EFCC1: variants seen among roughly 807,000 people sequenced by gnomAD.
The protein encoded by EFCC1 is EF-hand and coiled-coil domain-containing protein 1.
Under a neutral mutation model 52.1 loss-of-function variants are expected in EFCC1, and 50 were observed. The observed-to-expected ratio is 0.96, with a 90% CI of 0.76 to 1.21. EFCC1 has a LOEUF of 1.21. Among genes scored for constraint, EFCC1 ranks in the 50% most tolerant of loss-of-function variants. The pLI is 0.00. For synonymous variants in EFCC1, 399 were observed against 396.5 expected, an observed-to-expected ratio of 1.01 and a Z score of -0.08; for missense variants, 837 against 867.3, an observed-to-expected ratio of 0.97 and a Z score of 0.44.
In EFCC1 at chr3:129,031,766, A is replaced by G. The variant is rs889115713; in HGVS notation, c.1138+906A>G. The stretch of plus-strand genomic sequence containing the variant: ...CAGGCACTCCCCTCATAGTGGCAAG[A>G]TGGTCACCAGTGGCTCCAGGCCTGG... On this transcript the variant is annotated intron_variant, in intron 3 of 7. Transcript: ENST00000683648. Among the ~76,000 whole-genome samples the G allele has an allele frequency of 5.9e-5, 9 of 152,300 alleles. No individual in the cohort carries two copies. The East Asian group carries it at 1.7e-3, about 29-fold the overall frequency.
chr3:129,027,108 C>T (rs1007483941), intron 2 of EFCC1, among the ~76,000 whole-genome samples: 1 of 151,976 alleles, frequency 6.6e-6, no homozygotes, highest in South Asian at 2.1e-4. Context: ...CATCATGCTC[C>T]GCGCCCTCAG....
At chr3:129,005,785 C>G (rs561640100) in intron 2 of EFCC1, among the ~76,000 whole-genome samples, 2 of 152,382 alleles carry the variant, frequency 1.3e-5, no homozygotes, top group East Asian at 3.9e-4. Flanking sequence ...GAGGCAGACT[C>G]TGGGCCAGCC....
chr3:129,037,897 AC>A (rs2107942301), intron 6 of EFCC1, among the ~76,000 whole-genome samples: 1 of 149,048 alleles, frequency 6.7e-6, no homozygotes, highest in South Asian at 2.1e-4. Context: ...CCCCACCTCT[AC>A]AAAAAAAAAA....
At chr3:129,022,015 T>C (rs1222354471) in intron 2 of EFCC1, among the ~76,000 whole-genome samples, 1 of 152,132 alleles carries the variant, frequency 6.6e-6, no homozygotes, top group Non-Finnish European at 1.5e-5. Flanking sequence ...GGGGCAGAGG[T>C]GGCCGGGGCA....
At chr3:129,030,502 G>C in intron 2 of EFCC1, 1 of 477,504 alleles carries the variant, frequency 2.1e-6, no homozygotes, top group Non-Finnish European at 3.3e-6. Flanking sequence ...AGTCCCATTG[G>C]CTAAAACTGG....
Position 129,039,765 on chromosome 3 carries a change from G to C in EFCC1, c.1717G>C (p.Ala573Pro). ...ILDALHQALA[A>P]CQLLRRQPSA... ...GGATGCCCTGCACCAAGCCTTGGCTGCCTGCCAGCTGTTGCGGAGACAGCC... is the reference window on the plus strand; with the variant it reads ...GGATGCCCTGCACCAAGCCTTGGCTCCCTGCCAGCTGTTGCGGAGACAGCC... Residue 573 changes from alanine to proline, a missense_variant, in exon 8 of 8, where the codon GCC (alanine) becomes CCC (proline). Transcript: ENST00000683648. 6.2e-7 allele frequency: 1 copy of C among 1,611,942 alleles called. No individual in the cohort carries two copies. Among genetic ancestry groups the C allele is most frequent in the Non-Finnish European group, 8.5e-7 (1 of 1,178,794 alleles).
intron 2 of EFCC1, among the ~76,000 whole-genome samples, chr3:129,023,310 C>CTTTTTTT (rs3036084): frequency 1.4e-5 from 2 of 138,170 alleles, no homozygotes; most frequent in Non-Finnish European, 3.1e-5. Flanking sequence ...CCTCTTGCTT[C>CTTTTTTT]TTTTTTTTTT....
chr3:129,016,820 G>A (rs967136720), intron 2 of EFCC1, among the ~76,000 whole-genome samples: 1 of 152,154 alleles, frequency 6.6e-6, no homozygotes, highest in African/African-American at 2.4e-5. Flanking sequence ...GACTTTATCT[G>A]TACAACCTTA....
chr3:129,006,428 T>C (rs895119051), intron 2 of EFCC1, among the ~76,000 whole-genome samples: 5 of 152,234 alleles, frequency 3.3e-5, no homozygotes, highest in African/African-American at 1.2e-4. Context: ...AAGATTCTCC[T>C]GCCTCAGCCT....
At chr3:129,019,027 C>T (rs534386628) in intron 2 of EFCC1, among the ~76,000 whole-genome samples, 1 of 152,334 alleles carries the variant, frequency 6.6e-6, no homozygotes, top group African/African-American at 2.4e-5. Context: ...CTCCCCCACA[C>T]CACCGTGCAG....
chr3:129,008,923 C>T (rs916640565), intron 2 of EFCC1, among the ~76,000 whole-genome samples: 6 of 151,512 alleles, frequency 4.0e-5, no homozygotes, highest in African/African-American at 1.2e-4. Flanking sequence ...AGATGAGAAA[C>T]TCAGCTCCTT....
rs1383436356 is a variant in EFCC1, at chr3:129,018,170, TG to T, written c.981-12530del. 5.9e-5 allele frequency among the ~76,000 whole-genome samples: 9 copies of T among 152,272 alleles called. No homozygotes were observed. The East Asian group carries it at 1.7e-3, about 29-fold the overall frequency. ...GAAATCCAGAGGTGCTGGCTGGCCT[TG>T]GGAGTAAAGATGAGACCTCAGTTCT... On this transcript the variant is annotated intron_variant, in intron 2 of 7. Transcript: ENST00000683648.
At position 129,039,735 on chromosome 3, in the gene EFCC1, A is replaced by G; in HGVS notation, c.1687A>G (p.Ile563Val). The change falls in exon 8 of 8, where the codon ATC becomes GTC. Residue 563 changes from isoleucine to valine, a missense_variant. By Grantham distance (29) the Ile-to-Val change is conservative (BLOSUM62 3). Transcript: ENST00000683648. ...AGAGGGAAGGCCCAGCCCTGCAGCC[A>G]TCCTGGATGCCCTGCACCAAGCCTT... ...THEGRPSPAA[I>V]LDALHQALAA... The G allele has an allele frequency of 6.2e-7, 1 of 1,608,722 alleles. No homozygotes were observed. The highest frequency in any genetic ancestry group is 8.5e-7 in the Non-Finnish European group (1 of 1,176,648).
intron 2 of EFCC1, among the ~76,000 whole-genome samples, chr3:129,023,543 A>G (rs1262364207): frequency 6.6e-6 from 1 of 152,176 alleles, no homozygotes; most frequent in Non-Finnish European, 1.5e-5. Flanking sequence ...CATGTTAGCC[A>G]GGATGGTCTC....
chr3:129,027,370 C>T (rs572672487), intron 2 of EFCC1, among the ~76,000 whole-genome samples: 1 of 152,182 alleles, frequency 6.6e-6, no homozygotes, highest in East Asian at 1.9e-4. Flanking sequence ...GCTGGCTCCC[C>T]TCTTGGGCTC....
Position 129,001,974 on chromosome 3 carries a change from G to C in EFCC1, c.346G>C (p.Glu116Gln), listed in dbSNP as rs1371106427. 2 of 1,545,200 alleles carry C rather than the reference G, an allele frequency of 1.3e-6. No individual in the cohort carries two copies. The highest frequency in any genetic ancestry group is 4.9e-5 in the East Asian group (2 of 40,560). ...TGTGACCCCCGGGGATGCGGCCGCT[G>C]AGTTGGCCACGGACGGGGACTCAGA... Reference protein sequence around the residue: ...RDVTPGDAAAELATDGDSDTD... With the variant: ...RDVTPGDAAAQLATDGDSDTD... The change falls in exon 1 of 8, where the codon GAG (glutamate) becomes CAG (glutamine). Residue 116 changes from glutamate to glutamine, a missense_variant. By Grantham distance (29) the Glu-to-Gln change is conservative (BLOSUM62 2). Coordinates refer to ENST00000683648, the MANE Select transcript of EFCC1 (RefSeq NM_001377500.1).
intron 2 of EFCC1, among the ~76,000 whole-genome samples, chr3:129,020,916 T>G (rs935185093): frequency 3.3e-5 from 5 of 152,054 alleles, no homozygotes; most frequent in Non-Finnish European, 7.4e-5. Context: ...CCCACAGGGG[T>G]GGGCACCTCG....
rs1249392272 is a variant in EFCC1 at position 129,010,410 on chromosome 3, G to A, written c.980+6333G>A. Among the ~76,000 whole-genome samples, 1 of 152,148 alleles carries A rather than the reference G, an allele frequency of 6.6e-6. No homozygotes were observed. Among genetic ancestry groups the A allele is most frequent in the Non-Finnish European group, 1.5e-5 (1 of 68,038 alleles). ...GGTGCCCAAAAAGACAGAAGAGACAGAGAGCCAGCTCAGCTCAGCCGGAAC... is the reference window on the plus strand; with the variant it reads ...GGTGCCCAAAAAGACAGAAGAGACAAAGAGCCAGCTCAGCTCAGCCGGAAC... On this transcript the variant is annotated intron_variant, in intron 2 of 7. Transcript: ENST00000683648. The surrounding 1 kb of genome is among the most constrained non-coding windows in gnomAD (Gnocchi z 4.3).
In EFCC1 at chr3:129,007,770, ACT is replaced by A. The variant is rs763349704; in HGVS notation, c.980+3696_980+3697del. Among the ~76,000 whole-genome samples the A allele has an allele frequency of 7.9e-5, 12 of 151,902 alleles. No individual in the cohort carries two copies. In the East Asian group the frequency reaches 9.6e-4, roughly 12 times the overall value. ...ACTTTCCTAAAATGGGATCTTGATG[ACT>A]CTATTGTTCATGTTAGGGCTTCTAT... is the stretch of plus-strand genomic sequence containing the variant. On this transcript the variant is annotated intron_variant, in intron 2 of 7. Coordinates refer to ENST00000683648, the MANE Select transcript of EFCC1 (RefSeq NM_001377500.1).
Sources: gnomAD v4.1 joint callset for allele counts (sites outside exome capture counted in the v4.1 genomes callset) on GRCh38, gnomAD v4.1.1 for gene constraint, Gnocchi (gnomAD v3.1) non-coding constraint, MANE v1.5 for transcripts, NCBI Gene and HGNC (gene_info 2026-07-23, HGNC 2026-07-21) for gene names.